Variants in RTTN observed in about 807,000 individuals in gnomAD.
RTTN encodes the protein rotatin.
RTTN carries 182 observed loss-of-function variants against 269.2 expected under a neutral mutation model. The observed-to-expected ratio is 0.68, with a 90% CI of 0.60 to 0.76. The LOEUF is 0.76. Among genes scored for constraint, RTTN ranks in the 30% least tolerant of loss-of-function variants. RTTN has a pLI of 0.00. For missense variants in RTTN, 2,545 were observed against 2,608.6 expected (o/e 0.98, Z 0.53); for synonymous variants, 1,006 against 963.5 (o/e 1.04, Z -0.82).
chr18:70,103,584 T>C (rs1248956591), intron 28 of RTTN, among the ~76,000 whole-genome samples: 1 of 151,748 alleles, frequency 6.6e-6, no homozygotes, highest in Non-Finnish European at 1.5e-5. Context: ...TCACCACCAC[T>C]CCCTAATCTC....
At chr18:70,158,305 T>C (rs2060737113) in intron 14 of RTTN, among the ~76,000 whole-genome samples, 1 of 152,118 alleles carries the variant, frequency 6.6e-6, no homozygotes, top group Non-Finnish European at 1.5e-5. Flanking sequence ...ATCAGCATGC[T>C]TAAAGAAATT....
intron 4 of RTTN, among the ~76,000 whole-genome samples, chr18:70,199,791 A>T (rs2061903754): frequency 6.6e-6 from 1 of 152,260 alleles, no homozygotes; most frequent in African/African-American, 2.4e-5. Flanking sequence ...GTTTCCATTA[A>T]ATTTTCTATT....
chr18:70,180,114 G>A (rs938034273), intron 10 of RTTN, among the ~76,000 whole-genome samples: 8 of 147,464 alleles, frequency 5.4e-5, no homozygotes, highest in African/African-American at 1.1e-4. Context: ...CTCACGCTCC[G>A]CCAGATTAAA....
chr18:70,169,422 T>C (rs1182561129), intron 11 of RTTN, among the ~76,000 whole-genome samples: 1 of 152,190 alleles, frequency 6.6e-6, no homozygotes, highest in Non-Finnish European at 1.5e-5. Flanking sequence ...AAGTATTTTC[T>C]GTACATGTAC....
chr18:70,136,609 C>G (rs936677916), intron 21 of RTTN, among the ~76,000 whole-genome samples: 3 of 151,330 alleles, frequency 2.0e-5, no homozygotes, highest in African/African-American at 7.3e-5. Context: ...TTCACTAAAA[C>G]TAAAATAAGA....
chr18:70,100,063 G>C (rs1177522201), intron 28 of RTTN, among the ~76,000 whole-genome samples: 12 of 152,184 alleles, frequency 7.9e-5, no homozygotes. Context: ...GGCAATGCAG[G>C]CTCTTTTTTA....
intron 35 of RTTN, among the ~76,000 whole-genome samples, chr18:70,062,864 T>A (rs528629165): frequency 4.5e-4 from 69 of 152,308 alleles, no homozygotes; most frequent in African/African-American, 1.6e-3. Context: ...GGATTATTGG[T>A]GTGAGCTGCT....
At chr18:70,194,557 T>C (rs533501826) in intron 7 of RTTN, 5 of 152,374 alleles carry the variant, frequency 3.3e-5, no homozygotes, top group South Asian at 2.1e-4. Flanking sequence ...ACAACCCACA[T>C]GTCCATCGAC....
At chr18:70,128,660 G>T in intron 23 of RTTN, 114 bp from the exon 24 acceptor site, 2 of 734,108 alleles carry the variant, frequency 2.7e-6, no homozygotes, top group South Asian at 1.9e-5. Flanking sequence ...ATAATGCAAA[G>T]GTTTCTCTTA....
chr18:70,017,715 T>A (rs1402626214), intron 45 of RTTN, 41 bp from the exon 46 acceptor site: 2 of 1,525,386 alleles, frequency 1.3e-6, no homozygotes, highest in South Asian at 2.6e-5. Context: ...TTCTCATCTT[T>A]TTCATTATTT....
chr18:70,153,175 CT>C (rs1255837295), intron 14 of RTTN, among the ~76,000 whole-genome samples: 1 of 151,950 alleles, frequency 6.6e-6, no homozygotes, highest in Non-Finnish European at 1.5e-5. Flanking sequence ...CTTTCATTGT[CT>C]TTACAACACT....
chr18:70,131,958 A>G (rs2060009298), intron 23 of RTTN: 1 of 152,034 alleles, frequency 6.6e-6, no homozygotes, highest in South Asian at 2.1e-4. Flanking sequence ...AAAAAAAAGT[A>G]CATTTAAGGA....
chr18:70,092,123 T>C lies in RTTN; in HGVS notation c.4130A>G (p.Asp1377Gly), dbSNP rs745307488. 11 of 1,607,496 alleles carry C rather than the reference T, an allele frequency of 6.8e-6. No individual in the cohort carries two copies. In the East Asian group the frequency reaches 1.6e-4, roughly 23 times the overall value. Residue 1377 changes from aspartate (D) to glycine (G), a missense_variant, in exon 30 of 49, where the codon GAT becomes GGT. Asp to Gly is a moderately conservative substitution (Grantham distance 94). Transcript: ENST00000640769. ...GLAWLIPLWV[D>G]RDPEVRFTSL... is the part of the protein sequence containing the mutation. ...CTTCACACTCACCTCTGGGTCCCGATCAACCCATAATGGAATCAACCAAGC... is the reference window on the plus strand; with the variant it reads ...CTTCACACTCACCTCTGGGTCCCGACCAACCCATAATGGAATCAACCAAGC...
intron 44 of RTTN, among the ~76,000 whole-genome samples, chr18:70,023,195 C>G (rs372519756): frequency 3.3e-5 from 5 of 152,258 alleles, no homozygotes; most frequent in African/African-American, 1.2e-4. Flanking sequence ...CTATCCCAGT[C>G]AAGACTTCAG....
intron 26 of RTTN, 148 bp from the exon 27 acceptor site, chr18:70,114,747 T>C: frequency 4.3e-6 from 2 of 465,696 alleles, no homozygotes; most frequent in East Asian, 6.7e-5. Flanking sequence ...AGAGATGTTC[T>C]AAATTCAAAA....
chr18:70,059,347 TA>T (rs2057910041), intron 36 of RTTN, among the ~76,000 whole-genome samples: 1 of 152,196 alleles, frequency 6.6e-6, no homozygotes, highest in South Asian at 2.1e-4. Flanking sequence ...AAATAAGTAA[TA>T]AAAATTCAAA....
In RTTN at chr18:70,139,931, CT is replaced by C. The variant is rs2060214405; in HGVS notation, c.2670+168del. ...TATGGAAATTTTAGGATTAGTTTTC[CT>C]TTATAGAGACTCCACTTTTCGAATT... On this transcript the variant is annotated intron_variant, in intron 20 of 48. Transcript: ENST00000640769. 5 of 637,748 alleles carry C rather than the reference CT, an allele frequency of 7.8e-6. No homozygotes were observed. In the South Asian group the frequency reaches 1.0e-4, roughly 13 times the overall value. 39.5% of individuals were successfully genotyped at this position (637,748 alleles called of 1,614,324 possible). A position where few individuals can be genotyped will look rare whatever the true frequency, so the allele number is the denominator to read the frequency against.
At chr18:70,134,424 T>G (rs752755833) in intron 23 of RTTN, 49 bp downstream of exon 23, 1 of 1,321,226 alleles carries the variant, frequency 7.6e-7, no homozygotes, top group Non-Finnish European at 1.1e-6. Context: ...TTTCCCTTTC[T>G]GTAACAACAT....
At chr18:70,197,538 TC>T (rs1458455824) in intron 6 of RTTN, 85 bp downstream of exon 6, 6 of 785,370 alleles carry the variant, frequency 7.6e-6, no homozygotes, top group African/African-American at 5.2e-5. Context: ...CAAAGTTCCT[TC>T]CCAAGAACTC....
Sources: gnomAD v4.1 joint callset for allele counts (sites outside exome capture counted in the v4.1 genomes callset) on GRCh38, gnomAD v4.1.1 for gene constraint, MANE v1.5 for transcripts, NCBI Gene and HGNC (gene_info 2026-07-23, HGNC 2026-07-21) for gene names.